Variants in NCOA3 observed in about 807,000 individuals in gnomAD.
NCOA3 encodes the protein nuclear receptor coactivator 3.
Under a neutral mutation model 158.8 loss-of-function variants are expected in NCOA3, and 51 were observed. That is an observed-to-expected ratio of 0.32 (90% CI 0.26 to 0.41). NCOA3 has a LOEUF of 0.41. NCOA3 is among the 10% of genes least tolerant of loss of function. The pLI, the probability that NCOA3 is intolerant of heterozygous loss-of-function variation, is 1.00. For synonymous variants in NCOA3, 537 were observed against 592.4 expected, an observed-to-expected ratio of 0.91 and a Z score of 1.36; for missense variants, 1,510 against 1,746.6, an observed-to-expected ratio of 0.86 and a Z score of 2.41.
chr20:47,577,621 C>G (rs1213896886), intron 1 of NCOA3, among the ~76,000 whole-genome samples: 1 of 152,194 alleles, frequency 6.6e-6, no homozygotes, highest in Non-Finnish European at 1.5e-5. Context: ...TTTATACCTG[C>G]TTCCCTTTTC....
At chr20:47,537,384 A>G (rs2084651436) in intron 1 of NCOA3, among the ~76,000 whole-genome samples, 1 of 146,980 alleles carries the variant, frequency 6.8e-6, no homozygotes, top group Admixed American at 6.9e-5. Flanking sequence ...GTGTTTTTCT[A>G]TAGAAAGGTT....
chr20:47,517,543 C>T (rs1184160365), intron 1 of NCOA3, among the ~76,000 whole-genome samples: 2 of 150,384 alleles, frequency 1.3e-5, no homozygotes, highest in Admixed American at 6.6e-5. Flanking sequence ...CTCTGCCTTC[C>T]GGGTTCAAGT....
chr20:47,572,987 A>G (rs1375348382), intron 1 of NCOA3, among the ~76,000 whole-genome samples: 1 of 152,178 alleles, frequency 6.6e-6, no homozygotes, highest in Non-Finnish European at 1.5e-5. Context: ...AGGGAGAGAG[A>G]TGGGGAATAG....
chr20:47,566,614 C>T (rs1404045258), intron 1 of NCOA3, among the ~76,000 whole-genome samples: 5 of 152,208 alleles, frequency 3.3e-5, no homozygotes, highest in Middle Eastern at 6.8e-3. Flanking sequence ...TGGGCTCAAG[C>T]GATCCTTTCA....
At chr20:47,637,810 T>C (rs1195756030) in intron 13 of NCOA3, 27 bp downstream of exon 13, 1 of 1,576,166 alleles carries the variant, frequency 6.3e-7, no homozygotes, top group South Asian at 1.2e-5. Flanking sequence ...TTTTTTTTTT[T>C]TTTGCTGCCT....
At chr20:47,529,121 T>A (rs2084504528) in intron 1 of NCOA3, among the ~76,000 whole-genome samples, 2 of 151,572 alleles carry the variant, frequency 1.3e-5, no homozygotes, top group South Asian at 4.2e-4. Context: ...TTTATTTATT[T>A]AAAAAAATTT....
intron 1 of NCOA3, among the ~76,000 whole-genome samples, chr20:47,508,474 C>T (rs1284177093): frequency 6.6e-6 from 1 of 152,198 alleles, no homozygotes. Flanking sequence ...ATTGTTCCTC[C>T]ATCTCATGCA....
In NCOA3 at chr20:47,655,927, T is replaced by C. The variant is rs2086864921; in HGVS notation, c.*2510T>C. The C allele has an allele frequency of 6.6e-6, 1 of 152,414 alleles. No homozygotes were observed. The highest frequency in any genetic ancestry group is 1.5e-5 in the Non-Finnish European group (1 of 67,974). 9.4% of individuals were successfully genotyped at this position (152,414 alleles called of 1,614,324 possible). A position where few individuals can be genotyped will look rare whatever the true frequency, so the allele number is the denominator to read the frequency against. On this transcript the variant is annotated 3_prime_UTR_variant, in exon 23 of 23. Transcript: ENST00000371998. ...TCATTTGGTGCAAACTCAAGATTTCTTTTAATAGGTGCAGTCTTTGAGATA... is the reference window on the plus strand; with the variant it reads ...TCATTTGGTGCAAACTCAAGATTTCCTTTAATAGGTGCAGTCTTTGAGATA...
chr20:47,526,023 AG>A (rs1443601478), intron 1 of NCOA3, among the ~76,000 whole-genome samples: 3 of 149,554 alleles, frequency 2.0e-5, no homozygotes, highest in African/African-American at 5.0e-5. Context: ...TGCTGGGCGG[AG>A]GGGCTCCTCA....
At chr20:47,505,064 C>CTTT (rs566873992) in intron 1 of NCOA3, among the ~76,000 whole-genome samples, 1 of 27,086 alleles carries the variant, frequency 3.7e-5, no homozygotes, top group African/African-American at 2.4e-4. Context: ...TCTTTTCTTT[C>CTTT]TTTTTTTTTT....
intron 2 of NCOA3, among the ~76,000 whole-genome samples, chr20:47,606,947 G>C (rs1280616046): frequency 6.6e-6 from 1 of 152,182 alleles, no homozygotes; most frequent in Non-Finnish European, 1.5e-5. Context: ...TTCCTGATGA[G>C]ATGGGTGGTG....
chr20:47,627,930 T>C lies in NCOA3; in HGVS notation c.730T>C (p.Ser244Pro), dbSNP rs1452775454. 1.2e-6 allele frequency: 2 copies of C among 1,613,352 alleles called. No homozygotes were observed. Among genetic ancestry groups the C allele is most frequent in the Non-Finnish European group, 1.7e-6 (2 of 1,179,658 alleles). The change falls in exon 8 of 23, where the codon TCT becomes CCT. Residue 244 changes from serine (S) to proline (P), a missense_variant. Coordinates refer to ENST00000371998, the MANE Select transcript of NCOA3 (RefSeq NM_181659.3). ...TGAATTTTTTATTGTAGATTTGCAA[T>C]CTTGTATGATCTGTGTGGCACGCCG... ...AMMEEGEDLQ[S>P]CMICVARRIT...
intron 20 of NCOA3, among the ~76,000 whole-genome samples, chr20:47,651,516 A>G (rs566417807): frequency 1.3e-5 from 2 of 152,140 alleles, no homozygotes; most frequent in Admixed American, 6.5e-5. Context: ...AGAGTCCCCA[A>G]ACTCTGGAAG....
At chr20:47,506,950 A>C (rs1313535854) in intron 1 of NCOA3, among the ~76,000 whole-genome samples, 1 of 152,160 alleles carries the variant, frequency 6.6e-6, no homozygotes, top group Non-Finnish European at 1.5e-5. Flanking sequence ...AGATTACTGA[A>C]TTTAACTATT....
At chr20:47,580,060 A>G (rs1218249490) in intron 1 of NCOA3, among the ~76,000 whole-genome samples, 1 of 152,166 alleles carries the variant, frequency 6.6e-6, no homozygotes, top group Non-Finnish European at 1.5e-5. Context: ...TCATCTGGGC[A>G]TGCTGACTTT....
intron 17 of NCOA3, among the ~76,000 whole-genome samples, chr20:47,643,813 A>T (rs2086647480): frequency 6.6e-6 from 1 of 151,230 alleles, no homozygotes; most frequent in Admixed American, 6.6e-5. Flanking sequence ...TAAAATAATT[A>T]TATACTTTTG....
intron 1 of NCOA3, among the ~76,000 whole-genome samples, chr20:47,520,167 G>A (rs2084305128): frequency 6.6e-6 from 1 of 151,804 alleles, no homozygotes. Context: ...GGTGGTATTG[G>A]AGTGTTACAG....
chr20:47,558,820 CTTTTTTTTTT>C (rs56997127), intron 1 of NCOA3, among the ~76,000 whole-genome samples: 2 of 114,506 alleles, frequency 1.7e-5, no homozygotes, highest in African/African-American at 3.1e-5. Context: ...ACTTTTTTCA[CTTTTTTTTTT>C]TTTTTTTTTT....
intron 8 of NCOA3, among the ~76,000 whole-genome samples, chr20:47,629,475 G>T (rs6012228): frequency 6.6e-6 from 1 of 151,710 alleles, no homozygotes; most frequent in Non-Finnish European, 1.5e-5. Flanking sequence ...AATTACAGGC[G>T]CCCATCACCA....
Sources: gnomAD v4.1 joint callset for allele counts (sites outside exome capture counted in the v4.1 genomes callset) on GRCh38, gnomAD v4.1.1 for gene constraint, MANE v1.5 for transcripts, NCBI Gene and HGNC (gene_info 2026-07-23, HGNC 2026-07-21) for gene names.